HECW2: variants seen among roughly 807,000 people sequenced by gnomAD.
HECW2 encodes HECT, C2 and WW domain containing E3 ubiquitin protein ligase 2, also known as E3 ubiquitin-protein ligase HECW2.
HECW2 carries 61 observed loss-of-function variants against 175.2 expected under a neutral mutation model. The ratio of observed to expected loss-of-function variants is 0.35; its 90% CI spans 0.28 to 0.43. The LOEUF (loss-of-function observed/expected upper bound fraction) is 0.43. Among genes scored for constraint, HECW2 ranks in the 20% least tolerant of loss-of-function variants. The pLI, the probability that HECW2 is intolerant of heterozygous loss-of-function variation, is 1.00. For missense variants in HECW2, 1,524 were observed against 2,000.5 expected, an observed-to-expected ratio of 0.76 and a Z score of 4.54; for synonymous variants, 671 against 731.0, an observed-to-expected ratio of 0.92 and a Z score of 1.32.
intron 17 of HECW2, among the ~76,000 whole-genome samples, chr2:196,268,453 A>G (rs963060379): frequency 6.6e-6 from 1 of 152,238 alleles, no homozygotes; most frequent in Non-Finnish European, 1.5e-5. Flanking sequence ...GAGACTTTTC[A>G]GACTCTAAAA....
intron 2 of HECW2, among the ~76,000 whole-genome samples, chr2:196,351,993 G>A (rs959747835): frequency 2.0e-5 from 3 of 152,186 alleles, no homozygotes; most frequent in African/African-American, 4.8e-5. Flanking sequence ...CTGTGACGAC[G>A]ACTTTGAGAG....
chr2:196,251,288 C>T (rs1333943280), intron 19 of HECW2, among the ~76,000 whole-genome samples: 1 of 152,206 alleles, frequency 6.6e-6, no homozygotes, highest in South Asian at 2.1e-4. Flanking sequence ...CTCTTTCTTT[C>T]ACTTGCTTCT....
intron 7 of HECW2, among the ~76,000 whole-genome samples, chr2:196,321,655 C>A (rs989674871): frequency 1.2e-4 from 18 of 152,242 alleles, no homozygotes; most frequent in African/African-American, 3.9e-4. Context: ...CCACCTCGTC[C>A]GCTCAAAGTG....
intron 1 of HECW2, among the ~76,000 whole-genome samples, chr2:196,472,961 A>G (rs1448220663): frequency 6.6e-6 from 1 of 152,150 alleles, no homozygotes; most frequent in Admixed American, 6.5e-5. Flanking sequence ...AAACATGCAC[A>G]TTTGTCATAT....
chr2:196,384,417 C>CA (rs893416177), intron 2 of HECW2, among the ~76,000 whole-genome samples: 2 of 151,944 alleles, frequency 1.3e-5, no homozygotes, highest in African/African-American at 2.4e-5. Flanking sequence ...CCCATCTCTA[C>CA]AAAAAAATTT....
chr2:196,210,493 G>A (rs1687240254), intron 28 of HECW2, among the ~76,000 whole-genome samples: 1 of 152,006 alleles, frequency 6.6e-6, no homozygotes, highest in Non-Finnish European at 1.5e-5. Flanking sequence ...CCAGCTAGTA[G>A]TGGACATTGG....
At chr2:196,397,089 G>C (rs1355202951) in intron 2 of HECW2, among the ~76,000 whole-genome samples, 1 of 151,850 alleles carries the variant, frequency 6.6e-6, no homozygotes, top group Non-Finnish European at 1.5e-5. Flanking sequence ...TCCAGCCTGG[G>C]GGACAGAGCG....
At chr2:196,539,168 T>C (rs1176276579) in intron 1 of HECW2, among the ~76,000 whole-genome samples, 1 of 152,120 alleles carries the variant, frequency 6.6e-6, no homozygotes, top group Non-Finnish European at 1.5e-5. Flanking sequence ...TTGTCTGGGG[T>C]GCTCAGTCCC....
chr2:196,467,301 C>T (rs1696994524), intron 1 of HECW2, among the ~76,000 whole-genome samples: 1 of 152,110 alleles, frequency 6.6e-6, no homozygotes, highest in African/African-American at 2.4e-5. Context: ...ATTTCTACCA[C>T]TACTGCTATT....
In HECW2 at chr2:196,353,475, T is replaced by G. The variant is rs539907568; in HGVS notation, c.293-9711A>C. On this transcript the variant is annotated intron_variant, in intron 2 of 28. Transcript: ENST00000644978. ...CTCCAAGAGGTCAAGGAATTTTGTCTATTCTGTTTACTGATGTATCCCAAG... is the reference window on the plus strand; with the variant it reads ...CTCCAAGAGGTCAAGGAATTTTGTCGATTCTGTTTACTGATGTATCCCAAG... 5.9e-5 allele frequency among the ~76,000 whole-genome samples: 9 copies of G among 152,376 alleles called. No individual in the cohort carries two copies. In the South Asian group the frequency reaches 6.2e-4, roughly 11 times the overall value.
chr2:196,249,735 G>A (rs1160272971), intron 19 of HECW2, among the ~76,000 whole-genome samples: 1 of 152,176 alleles, frequency 6.6e-6, no homozygotes, highest in East Asian at 1.9e-4. Flanking sequence ...CTGGTATCAT[G>A]TGGAATTTGT....
At chr2:196,556,088 T>C (rs1405921073) in intron 1 of HECW2, among the ~76,000 whole-genome samples, 10 of 152,218 alleles carry the variant, frequency 6.6e-5, no homozygotes, top group Admixed American at 1.3e-4. Context: ...TTCATAATAC[T>C]TAGCACAGTT....
chr2:196,259,608 G>C (rs960808668), intron 17 of HECW2, among the ~76,000 whole-genome samples: 1 of 152,040 alleles, frequency 6.6e-6, no homozygotes, highest in Non-Finnish European at 1.5e-5. Flanking sequence ...AGGCATGTAC[G>C]TAAAGGAGTT....
At chr2:196,216,833 C>T (rs1687492871) in intron 27 of HECW2, among the ~76,000 whole-genome samples, 175 bp downstream of exon 27, 1 of 152,096 alleles carries the variant, frequency 6.6e-6, no homozygotes, top group Non-Finnish European at 1.5e-5. Flanking sequence ...TAGGGAAGTT[C>T]TGAATAGCCA....
intron 23 of HECW2, 50 bp downstream of exon 23, chr2:196,225,721 TA>T (rs1278969036): frequency 1.7e-6 from 2 of 1,166,344 alleles, no homozygotes; most frequent in Non-Finnish European, 2.6e-6. Context: ...TTCAAAAAAG[TA>T]AATACTGCAT....
rs1691839784 is a variant in HECW2, at chr2:196,319,242, C to G, written c.1648G>C (p.Gly550Arg). The change falls in exon 9 of 29, where the codon GGT becomes CGT. Residue 550 changes from glycine to arginine, a missense_variant. Physicochemically the swap from Gly to Arg is moderately radical, Grantham distance 125. Coordinates refer to ENST00000644978, the MANE Select transcript of HECW2 (RefSeq NM_001348768.2). ...GGTTGAGGCTCTGGGCCGCCTTCAC[C>G]TTCCTCTGGGGCTGGGCCTGCAGGT... ...SLPAGPAPEE[G>R]EGGPEPQPSA... 6.3e-7 allele frequency: 1 copy of G among 1,599,366 alleles called. No individual in the cohort carries two copies. The highest frequency in any genetic ancestry group is 1.1e-5 in the South Asian group (1 of 87,624).
At chr2:196,357,955 T>G (rs1408616290) in intron 2 of HECW2, among the ~76,000 whole-genome samples, 1 of 152,230 alleles carries the variant, frequency 6.6e-6, no homozygotes, top group Non-Finnish European at 1.5e-5. Context: ...TTTATAGTAG[T>G]GTGAAATGGA....
At chr2:196,423,574 G>C (rs184504395) in intron 2 of HECW2, among the ~76,000 whole-genome samples, 5 of 152,162 alleles carry the variant, frequency 3.3e-5, no homozygotes, top group South Asian at 2.1e-4. Context: ...TCAGGGTAGA[G>C]AGCATGTTTT....
intron 2 of HECW2, among the ~76,000 whole-genome samples, chr2:196,363,700 T>C (rs536157929): frequency 1.3e-5 from 2 of 152,174 alleles, no homozygotes; most frequent in Non-Finnish European, 2.9e-5. Flanking sequence ...GGCATGCACC[T>C]GTAGTGCCAG....
Sources: allele counts gnomAD v4.1 joint callset (sites outside exome capture counted in the v4.1 genomes callset), GRCh38; gene constraint gnomAD v4.1.1; transcripts MANE v1.5; gene names NCBI Gene and HGNC (gene_info 2026-07-23, HGNC 2026-07-21).